PLEKHG1: variants seen among roughly 807,000 people sequenced by gnomAD.
The protein encoded by PLEKHG1 is pleckstrin homology domain-containing family G member 1.
A neutral mutation model predicts 100.8 loss-of-function variants in PLEKHG1; 44 were observed. That is an observed-to-expected ratio of 0.44 (90% confidence interval 0.34 to 0.56). The LOEUF is 0.56. PLEKHG1 is among the 20% of genes least tolerant of loss of function. The pLI is 0.01. For missense variants in PLEKHG1, 1,545 were observed against 1,720.9 expected, an observed-to-expected ratio of 0.90 and a Z score of 1.81; for synonymous variants, 640 against 662.5, an observed-to-expected ratio of 0.97 and a Z score of 0.52.
chr6:150,737,538 C>T (rs1782632410), intron 2 of PLEKHG1, among the ~76,000 whole-genome samples: 2 of 151,974 alleles, frequency 1.3e-5, no homozygotes, highest in Admixed American at 6.6e-5. Flanking sequence ...ATGATCCACC[C>T]GCCTCGGCCT....
intron 14 of PLEKHG1, among the ~76,000 whole-genome samples, chr6:150,828,574 T>C (rs1428557208): frequency 6.6e-6 from 1 of 151,956 alleles, no homozygotes; most frequent in African/African-American, 2.4e-5. Context: ...TTTTAAATTA[T>C]AGTATTTCCT....
At chr6:150,613,527 TCTG>T (rs1281846525) in intron 1 of PLEKHG1, among the ~76,000 whole-genome samples, 1 of 152,210 alleles carries the variant, frequency 6.6e-6, no homozygotes, top group African/African-American at 2.4e-5. Flanking sequence ...ATTGTCTGAT[TCTG>T]TGATACCAAG....
At chr6:150,755,014 T>A (rs1218894324) in intron 2 of PLEKHG1, among the ~76,000 whole-genome samples, 3 of 151,676 alleles carry the variant, frequency 2.0e-5, no homozygotes, top group African/African-American at 7.3e-5. Context: ...CTCGCTCTGT[T>A]ACCCAGGCTG....
chr6:150,670,493 G>A (rs1306492765), intron 3 of PLEKHG1, among the ~76,000 whole-genome samples: 6 of 152,196 alleles, frequency 3.9e-5, no homozygotes, highest in African/African-American at 1.2e-4. Flanking sequence ...CGCAGCATGC[G>A]CTACCAGTAC....
At chr6:150,689,758 G>A (rs1780272664) in intron 3 of PLEKHG1, among the ~76,000 whole-genome samples, 2 of 151,894 alleles carry the variant, frequency 1.3e-5, no homozygotes. Context: ...AGGAGGCTGA[G>A]GCAGGAGAAT....
At chr6:150,808,478 G>A (rs59728208) in intron 7 of PLEKHG1, among the ~76,000 whole-genome samples, 259 of 152,050 alleles carry the variant, frequency 1.7e-3, no homozygotes, top group African/African-American at 5.2e-3. Flanking sequence ...GGCCGGGTGC[G>A]GTGGCTCACT....
At chr6:150,672,422 G>A (rs1238564103) in intron 3 of PLEKHG1, among the ~76,000 whole-genome samples, 1 of 152,172 alleles carries the variant, frequency 6.6e-6, no homozygotes, top group Non-Finnish European at 1.5e-5. Context: ...AAGCCAGACA[G>A]CATTTATATT....
chr6:150,641,953 C>CT (rs147935250), intron 2 of PLEKHG1, among the ~76,000 whole-genome samples: 3,655 of 139,204 alleles, frequency 0.026, 160 homozygotes, highest in African/African-American at 0.09. Context: ...GTAAGTAACC[C>CT]TTTTTTTTTT....
chr6:150,609,856 G>C (rs188703361), intron 1 of PLEKHG1, among the ~76,000 whole-genome samples: 24 of 152,310 alleles, frequency 1.6e-4, no homozygotes, highest in Middle Eastern at 3.4e-3. Context: ...GAGAAAGAAC[G>C]TGTGGGGCTT....
chr6:150,683,673 G>T lies in PLEKHG1; in HGVS notation c.-99+32887G>T. 1 of 624,872 alleles carries T rather than the reference G, an allele frequency of 1.6e-6. No homozygotes were observed. Among genetic ancestry groups the T allele is most frequent in the Non-Finnish European group, 2.4e-6 (1 of 419,744 alleles). 38.7% of individuals were successfully genotyped at this position (624,872 alleles called of 1,614,324 possible). A position where few individuals can be genotyped will look rare whatever the true frequency, so the allele number is the denominator to read the frequency against. ...TAACTGGCAAACTAAGGATGACAGAGTGTTCAATGATGCTGTTCAACTTGA... is the reference window on the plus strand; with the variant it reads ...TAACTGGCAAACTAAGGATGACAGATTGTTCAATGATGCTGTTCAACTTGA... On this transcript the variant is annotated intron_variant, in intron 3 of 3. Transcript: ENST00000367326. The surrounding 1 kb of genome is among the most constrained non-coding windows in gnomAD (Gnocchi z 4.0).
intron 3 of PLEKHG1, among the ~76,000 whole-genome samples, chr6:150,713,020 C>T (rs560140885): frequency 6.6e-6 from 1 of 152,340 alleles, no homozygotes; most frequent in South Asian, 2.1e-4. Flanking sequence ...TCATACTTGT[C>T]ATTTTTTGTT....
intron 1 of PLEKHG1, among the ~76,000 whole-genome samples, chr6:150,608,738 T>C (rs1024742984): frequency 3.6e-4 from 55 of 152,240 alleles, no homozygotes; most frequent in African/African-American, 1.3e-3. Context: ...ACTGTGTGCA[T>C]GGAAAAGATA....
chr6:150,617,234 G>A (rs1254933691), intron 1 of PLEKHG1, among the ~76,000 whole-genome samples: 1 of 152,220 alleles, frequency 6.6e-6, no homozygotes, highest in Non-Finnish European at 1.5e-5. Context: ...ATGCTTCACT[G>A]AGTTTGAAGA....
chr6:150,626,416 G>A (rs573980185), intron 1 of PLEKHG1, among the ~76,000 whole-genome samples: 53 of 152,258 alleles, frequency 3.5e-4, no homozygotes, highest in South Asian at 1.2e-3. Flanking sequence ...TTCCATTGAC[G>A]CCTCGGGATC....
At chr6:150,827,477 T>C (rs1026481901) in intron 14 of PLEKHG1, among the ~76,000 whole-genome samples, 4 of 152,152 alleles carry the variant, frequency 2.6e-5, no homozygotes, top group African/African-American at 9.6e-5. Context: ...GGTTTCTTCA[T>C]GTTGGTCAGG....
intron 10 of PLEKHG1, among the ~76,000 whole-genome samples, chr6:150,814,845 G>A (rs1787765915): frequency 6.6e-6 from 1 of 152,020 alleles, no homozygotes; most frequent in Admixed American, 6.6e-5. Flanking sequence ...TCAGCCACCC[G>A]AGTAGCTGGG....
intron 3 of PLEKHG1, among the ~76,000 whole-genome samples, chr6:150,659,334 G>A (rs1255178819): frequency 1.3e-5 from 2 of 151,712 alleles, no homozygotes; most frequent in East Asian, 3.9e-4. Flanking sequence ...AAAGTATTTT[G>A]GGTACAACCA....
intron 3 of PLEKHG1, among the ~76,000 whole-genome samples, chr6:150,786,072 G>A (rs1785605721): frequency 6.6e-6 from 1 of 151,246 alleles, no homozygotes; most frequent in South Asian, 2.1e-4. Context: ...CTGGTACCTA[G>A]GCAGCTATTT....
intron 15 of PLEKHG1, 68 bp downstream of exon 16, chr6:150,832,273 T>C (rs544027888): frequency 3.0e-6 from 4 of 1,312,462 alleles, no homozygotes; most frequent in Non-Finnish European, 4.2e-6. Flanking sequence ...ATTTCAGATG[T>C]CCTTAAAACG....
Sources: gnomAD v4.1 joint callset for allele counts (sites outside exome capture counted in the v4.1 genomes callset) on GRCh38, gnomAD v4.1.1 for gene constraint, Gnocchi (gnomAD v3.1) non-coding constraint, MANE v1.5 for transcripts, NCBI Gene and HGNC (gene_info 2026-07-23, HGNC 2026-07-21) for gene names.